GAPDHS: variants seen among roughly 807,000 people sequenced by gnomAD.
The protein encoded by GAPDHS is glyceraldehyde-3-phosphate dehydrogenase, testis-specific.
GAPDHS carries 42 observed loss-of-function variants against 48.7 expected under a neutral mutation model. The ratio of observed to expected loss-of-function variants is 0.86; its 90% CI spans 0.67 to 1.12. The LOEUF (loss-of-function observed/expected upper bound fraction) is 1.12, where lower values mean the gene tolerates loss of function less well. Among genes scored for constraint, GAPDHS ranks in the 50% most tolerant of loss-of-function variants. The probability of loss-of-function intolerance (pLI) is 0.00; values close to 1 mark genes in which losing one functional copy is unlikely to be tolerated. For missense variants in GAPDHS, 512 were observed against 557.7 expected (o/e 0.92, Z 0.82); for synonymous variants, 166 against 219.1 (o/e 0.76, Z 2.14).
At chr19:35,539,468 A>G (rs1026611450) in intron 4 of GAPDHS, among the ~76,000 whole-genome samples, 1 of 152,068 alleles carries the variant, frequency 6.6e-6, no homozygotes, top group South Asian at 2.1e-4. Flanking sequence ...TTAGAATTTT[A>G]TTTTTGGCTG....
chr19:35,543,118 G>C, intron 7 of GAPDHS, 92 bp downstream of exon 7: 4 of 1,125,282 alleles, frequency 3.6e-6, no homozygotes, highest in Non-Finnish European at 5.4e-6. Context: ...TTAAGAGGGA[G>C]AGACTGGTTT....
At chr19:35,545,033 G>A (rs1600135936) in intron 10 of GAPDHS, 27 bp downstream of exon 10, 1 of 1,605,304 alleles carries the variant, frequency 6.2e-7, no homozygotes. Flanking sequence ...TGGAGACTTA[G>A]AGGGAGGGGA....
At chr19:35,539,169 T>C in intron 4 of GAPDHS, among the ~76,000 whole-genome samples, 1 of 152,200 alleles carries the variant, frequency 6.6e-6, no homozygotes, top group Non-Finnish European at 1.5e-5. Context: ...AGTGCTGGGA[T>C]TACAGGCAGG....
At chr19:35,540,846 C>G (rs1016999884) in intron 4 of GAPDHS, 2 of 151,902 alleles carry the variant, frequency 1.3e-5, no homozygotes, top group Non-Finnish European at 2.9e-5. Context: ...AAAAAAAACA[C>G]GAGGCCAGGT....
chr19:35,543,825 G>A lies in GAPDHS; in HGVS notation c.1054G>A (p.Glu352Lys). 1 of 1,610,694 alleles carries A rather than the reference G, an allele frequency of 6.2e-7. No homozygotes were observed. Among genetic ancestry groups the A allele is most frequent in the East Asian group, 2.2e-5 (1 of 44,844 alleles). Residue 352 changes from glutamate (E) to lysine (K), a missense_variant and splice_region_variant, in exon 9 of 11, where the codon GAG becomes AAG. By Grantham distance (56) the Glu-to-Lys change is moderately conservative (BLOSUM62 1). Transcript: ENST00000222286. The stretch of plus-strand genomic sequence containing the variant: ...TGGCATCCTTGCCTACACCGAGGAT[G>A]AGGTAGGGGCTGAGGAGAGGAGACC... Reference protein sequence around the residue: ...MAGILAYTEDEVVSTDFLGDT... With the variant: ...MAGILAYTEDKVVSTDFLGDT...
At chr19:35,538,540 G>A in intron 3 of GAPDHS, 37 bp from the exon 4 acceptor site, 7 of 1,387,438 alleles carry the variant, frequency 5.0e-6, no homozygotes, top group Admixed American at 1.7e-5. Context: ...TCCTCACCCT[G>A]CCACCCCAAG....
chr19:35,533,537 C>T lies in GAPDHS; in HGVS notation c.10C>T (p.Arg4Cys), dbSNP rs1227908014. Residue 4 changes from arginine to cysteine, a missense_variant, in exon 1 of 11, where the codon CGC (arginine) becomes TGC (cysteine). Coordinates refer to ENST00000222286, the MANE Select transcript of GAPDHS (RefSeq NM_014364.5). MSK[R>C]DIVLTNVTVV... is the part of the protein sequence containing the mutation. Reference sequence around the variant, plus strand: ...AACCTTATAAGAGGCCATGTCGAAGCGCGACATCGTCCTCACCAATGTCAC... The same window carrying T: ...AACCTTATAAGAGGCCATGTCGAAGTGCGACATCGTCCTCACCAATGTCAC... 1.9e-6 allele frequency: 3 copies of T among 1,613,468 alleles called. No individual in the cohort carries two copies. Among genetic ancestry groups the T allele is most frequent in the Non-Finnish European group, 1.7e-6 (2 of 1,179,698 alleles).
chr19:35,543,209 C>G, intron 7 of GAPDHS, 131 bp from the exon 8 acceptor site: 1 of 1,153,986 alleles, frequency 8.7e-7, no homozygotes, highest in South Asian at 1.3e-5. Context: ...GGCCTGCACA[C>G]ATCCCCTCCT....
rs373165871 is a variant in GAPDHS, at chr19:35,542,419, G to A, written c.540+10G>A. 6.2e-7 allele frequency: 1 copy of A among 1,609,158 alleles called. No homozygotes were observed. The highest frequency in any genetic ancestry group is 1.3e-5 in the African/African-American group (1 of 74,780). ...CATACAGGCAGCTTCGGTAAGCTGG[G>A]GAGAGGTGCCCAGGGCTAGCTGGGG... On this transcript the variant is annotated intron_variant, in intron 5 of 10. Coordinates refer to ENST00000222286, the MANE Select transcript of GAPDHS (RefSeq NM_014364.5).
chr19:35,543,218 CTG>C (rs939723087), intron 7 of GAPDHS, 120 bp from the exon 8 acceptor site: 1 of 1,197,726 alleles, frequency 8.3e-7, no homozygotes, highest in African/African-American at 1.5e-5. Context: ...ACATCCCCTC[CTG>C]TGGTCTGTGG....
intron 4 of GAPDHS, among the ~76,000 whole-genome samples, chr19:35,540,223 C>T (rs1799618545): frequency 6.6e-6 from 1 of 152,252 alleles, no homozygotes; most frequent in African/African-American, 2.4e-5. Flanking sequence ...CATGGCCTTG[C>T]ACGGAGGGCT....
Position 35,543,807 on chromosome 19 carries a change from C to G in GAPDHS, c.1036C>G (p.Leu346Val). 1 of 1,612,426 alleles carries G rather than the reference C, an allele frequency of 6.2e-7. No individual in the cohort carries two copies. Among genetic ancestry groups the G allele is most frequent in the Non-Finnish European group, 8.5e-7 (1 of 1,179,436 alleles). Residue 346 changes from leucine (L) to valine (V), a missense_variant, in exon 9 of 11, where the codon CTT (leucine) becomes GTT (valine). By Grantham distance (32) the Leu-to-Val change is conservative (BLOSUM62 1). Transcript: ENST00000222286. ...AAAKGPMAGI[L>V]AYTEDEVVST... ...AGCCAAGGGGCCCATGGCTGGCATCCTTGCCTACACCGAGGATGAGGTAGG... is the reference window on the plus strand; with the variant it reads ...AGCCAAGGGGCCCATGGCTGGCATCGTTGCCTACACCGAGGATGAGGTAGG...
At chr19:35,539,878 C>T (rs1237062075) in intron 4 of GAPDHS, among the ~76,000 whole-genome samples, 2 of 152,208 alleles carry the variant, frequency 1.3e-5, no homozygotes, top group African/African-American at 2.4e-5. Context: ...CACTTGGAGT[C>T]ATCCCTCTTC....
rs747031580 is a variant in GAPDHS at position 35,542,931 on chromosome 19, C to T, written c.660-14C>T. 5 of 1,608,960 alleles carry T rather than the reference C, an allele frequency of 3.1e-6. No individual in the cohort carries two copies. Among genetic ancestry groups the T allele is most frequent in the Middle Eastern group, 3.3e-4 (2 of 6,056 alleles). On this transcript the variant is annotated splice_polypyrimidine_tract_variant and intron_variant, in intron 6 of 10. Transcript: ENST00000222286. ...CTCACCTCACAGTGTCCGTGCACAC[C>T]TTGGCTGTTTCAGCAACGCGTCCTG...
At position 35,542,324 on chromosome 19, in the gene GAPDHS, A is replaced by G. The variant is rs148474705; in HGVS notation, c.455A>G (p.Glu152Gly). ...NHEISVYQCK[E>G]PKQIPWRAVG... is the part of the protein sequence containing the mutation. The stretch of plus-strand genomic sequence containing the variant: ...GCCCTGCCACTTCCCCACAGCAAAG[A>G]GCCCAAACAGATCCCCTGGAGGGCT... The change falls in exon 5 of 11, where the codon GAG becomes GGG. Residue 152 changes from glutamate (E) to glycine (G), a missense_variant. Glu to Gly is a moderately conservative substitution (Grantham distance 98, BLOSUM62 -2). Coordinates refer to ENST00000222286, the MANE Select transcript of GAPDHS (RefSeq NM_014364.5). 2.5e-6 allele frequency: 4 copies of G among 1,609,576 alleles called. No individual in the cohort carries two copies. In the East Asian group the frequency reaches 6.7e-5, roughly 27 times the overall value.
chr19:35,536,881 C>G lies in GAPDHS; in HGVS notation c.136C>G (p.Pro46Ala). ...GCCCCAGCCACAACCAGAGCCCACA[C>G]CAGTCAGGGAGGAAATAAAGCCACC... ...VEPQPQPEPT[P>A]VREEIKPPPP... The change falls in exon 2 of 11, where the codon CCA becomes GCA. Residue 46 changes from proline to alanine, a missense_variant. Pro to Ala is a conservative substitution (Grantham distance 27). Coordinates refer to ENST00000222286, the MANE Select transcript of GAPDHS (RefSeq NM_014364.5). 6.2e-7 allele frequency: 1 copy of G among 1,614,040 alleles called. No individual in the cohort carries two copies. Among genetic ancestry groups the G allele is most frequent in the Non-Finnish European group, 8.5e-7 (1 of 1,179,908 alleles).
rs771897429 is a variant in GAPDHS at position 35,542,350 on chromosome 19, G to T, written c.481G>T (p.Val161Phe). 5.0e-6 allele frequency: 8 copies of T among 1,612,970 alleles called. No homozygotes were observed. Among genetic ancestry groups the T allele is most frequent in the Non-Finnish European group, 5.9e-6 (7 of 1,179,694 alleles). The change falls in exon 5 of 11, where the codon GTC becomes TTC. Residue 161 changes from valine (V) to phenylalanine (F), a missense_variant. By Grantham distance (50) the Val-to-Phe change is conservative. Coordinates refer to ENST00000222286, the MANE Select transcript of GAPDHS (RefSeq NM_014364.5). ...KEPKQIPWRA[V>F]GSPYVVESTG... Reference sequence around the variant, plus strand: ...GCCCAAACAGATCCCCTGGAGGGCTGTCGGGAGCCCCTACGTGGTGGAGTC... The same window carrying T: ...GCCCAAACAGATCCCCTGGAGGGCTTTCGGGAGCCCCTACGTGGTGGAGTC...
intron 4 of GAPDHS, among the ~76,000 whole-genome samples, chr19:35,539,195 C>CT (rs2071485248): frequency 6.6e-6 from 1 of 152,226 alleles, no homozygotes; most frequent in Non-Finnish European, 1.5e-5. Flanking sequence ...CTGCATTTTG[C>CT]TTTAACGCAC....
chr19:35,538,516 G>A lies in GAPDHS; in HGVS notation c.343-61G>A, dbSNP rs979717220. On this transcript the variant is annotated intron_variant, in intron 3 of 10. Transcript: ENST00000222286. ...TAATGTGAGACCTTCACCAAAGAGG[G>A]GACTCTCTAGGGATCCTCACCCTGC... The A allele has an allele frequency of 7.9e-6, 10 of 1,262,762 alleles. No homozygotes were observed. In the East Asian group the frequency reaches 2.1e-4, roughly 26 times the overall value. The allele number at this position is 1,262,762 out of a possible 1,614,324, so 78.2% of individuals were successfully genotyped here. A position where few individuals can be genotyped will look rare whatever the true frequency, so the allele number is the denominator to read the frequency against.
Sources: allele counts gnomAD v4.1 joint callset (sites outside exome capture counted in the v4.1 genomes callset), GRCh38; gene constraint gnomAD v4.1.1; transcripts MANE v1.5; gene names NCBI Gene and HGNC (gene_info 2026-07-23, HGNC 2026-07-21).